Variants in ATRN observed in about 807,000 individuals in gnomAD.
ATRN encodes the protein attractin-2.
In ATRN, 54 loss-of-function variants were observed where a neutral mutation model predicts 178.7. The ratio of observed to expected loss-of-function variants is 0.30; its 90% CI spans 0.24 to 0.38. ATRN has a LOEUF of 0.38. Ranked by LOEUF, ATRN falls within the 10% of genes least tolerant of loss-of-function variation. The pLI is 1.00. For synonymous variants in ATRN, 636 were observed against 663.0 expected (o/e 0.96, Z 0.63); for missense variants, 1,443 against 1,815.1 (o/e 0.79, Z 3.73).
intron 12 of ATRN, among the ~76,000 whole-genome samples, chr20:3,574,386 T>A (rs2086174192): frequency 6.6e-6 from 1 of 152,092 alleles, no homozygotes. Context: ...GGCATGGTGG[T>A]GCACGCCTAT....
In ATRN at chr20:3,562,258, A is replaced by T; in HGVS notation, c.1448-18A>T. ...GAGGAGCCTGCCATGCTTGCCTTTA[A>T]CTGTCTTTCCTTTCCAGATAAGAAC... On this transcript the variant is annotated intron_variant, in intron 8 of 28. Coordinates refer to ENST00000262919, the MANE Select transcript of ATRN (RefSeq NM_139321.3). 6.2e-7 allele frequency: 1 copy of T among 1,600,672 alleles called. No homozygotes were observed. Among genetic ancestry groups the T allele is most frequent in the Admixed American group, 1.7e-5 (1 of 58,832 alleles).
At chr20:3,614,588 T>C (rs1241345025) in intron 24 of ATRN, among the ~76,000 whole-genome samples, 5 of 152,234 alleles carry the variant, frequency 3.3e-5, no homozygotes, top group African/African-American at 1.2e-4. Context: ...GCAAGGGATG[T>C]GTGAAACTTT....
chr20:3,499,926 A>G lies in ATRN; in HGVS notation c.410+28409A>G, dbSNP rs201719319. Among the ~76,000 whole-genome samples, 23 of 151,676 alleles carry G rather than the reference A, an allele frequency of 1.5e-4. 1 individual carries two copies. The East Asian group carries it at 4.2e-3, about 28-fold the overall frequency. On this transcript the variant is annotated intron_variant, in intron 1 of 28. Transcript: ENST00000262919. ...TACAAAATGGGAGAAAATTTTTGCA[A>G]CCTACTCATCTGACAAAGGGCTAAT...
intron 6 of ATRN, among the ~76,000 whole-genome samples, chr20:3,557,980 A>G (rs549049721): frequency 6.6e-6 from 1 of 152,316 alleles, no homozygotes; most frequent in East Asian, 1.9e-4. Context: ...ATTTAAGATA[A>G]AAGGAAAGGC....
Position 3,559,496 on chromosome 20 carries a change from C to T in ATRN, c.1203+13C>T. On this transcript the variant is annotated intron_variant, in intron 7 of 28. Coordinates refer to ENST00000262919, the MANE Select transcript of ATRN (RefSeq NM_139321.3). ...GGCATTATACAAGGTAAAGCATCTCCACTCTGTGCTAAGCAAGAAACTAAG... is the reference window on the plus strand; with the variant it reads ...GGCATTATACAAGGTAAAGCATCTCTACTCTGTGCTAAGCAAGAAACTAAG... 1.3e-6 allele frequency: 2 copies of T among 1,594,834 alleles called. No individual in the cohort carries two copies. Among genetic ancestry groups the T allele is most frequent in the Non-Finnish European group, 1.7e-6 (2 of 1,162,680 alleles).
intron 19 of ATRN, chr20:3,592,597 C>A: frequency 1.6e-6 from 1 of 611,046 alleles, no homozygotes; most frequent in Non-Finnish European, 2.0e-6. Flanking sequence ...AAGTTCTGAG[C>A]AGGAAAAGTA....
intron 1 of ATRN, among the ~76,000 whole-genome samples, chr20:3,520,801 C>T (rs866640760): frequency 5.9e-5 from 9 of 151,968 alleles, no homozygotes; most frequent in African/African-American, 9.7e-5. Flanking sequence ...CTGGCCTGCA[C>T]GCCAACTTTA....
chr20:3,614,474 C>CCAGT (rs1302621399), intron 24 of ATRN, among the ~76,000 whole-genome samples: 2 of 152,102 alleles, frequency 1.3e-5, no homozygotes, highest in Non-Finnish European at 2.9e-5. Context: ...ATGTAAGAGG[C>CCAGT]CAGTGTTCAC....
In ATRN at chr20:3,591,315, A is replaced by G. The variant is rs1481586618; in HGVS notation, c.3322+9A>G. ...TGGAGGGAAATGTCAGCGTAAGTCA[A>G]ATTGGTCAGGTTTACTCATGGCAAA... On this transcript the variant is annotated intron_variant, in intron 19 of 28. Coordinates refer to ENST00000262919, the MANE Select transcript of ATRN (RefSeq NM_139321.3). 1.1e-5 allele frequency: 17 copies of G among 1,612,990 alleles called. No homozygotes were observed. Among genetic ancestry groups the G allele is most frequent in the African/African-American group, 5.3e-5 (4 of 74,906 alleles).
chr20:3,514,904 C>T (rs1395493989), intron 1 of ATRN, among the ~76,000 whole-genome samples: 1 of 152,134 alleles, frequency 6.6e-6, no homozygotes, highest in African/African-American at 2.4e-5. Flanking sequence ...CCGCAGTGAG[C>T]CATGATCCCA....
chr20:3,621,892 G>A (rs534845500), intron 24 of ATRN, among the ~76,000 whole-genome samples: 1 of 152,136 alleles, frequency 6.6e-6, no homozygotes, highest in Non-Finnish European at 1.5e-5. Flanking sequence ...ACTGAGTTCT[G>A]TGAGACAGAT....
chr20:3,587,929 T>C (rs2086380913), intron 18 of ATRN, among the ~76,000 whole-genome samples: 1 of 152,182 alleles, frequency 6.6e-6, no homozygotes, highest in Non-Finnish European at 1.5e-5. Context: ...CACTGCAGCC[T>C]CCGCTTTCCC....
intron 2 of ATRN, among the ~76,000 whole-genome samples, chr20:3,535,982 G>C (rs529302936): frequency 6.6e-6 from 1 of 152,042 alleles, no homozygotes; most frequent in Non-Finnish European, 1.5e-5. Context: ...TTGCAATATT[G>C]TGTTATTTTT....
At chr20:3,604,621 A>G (rs1432754181) in intron 24 of ATRN, among the ~76,000 whole-genome samples, 2 of 152,262 alleles carry the variant, frequency 1.3e-5, no homozygotes, top group Non-Finnish European at 2.9e-5. Context: ...AAACAAACCC[A>G]CATATAACAA....
At chr20:3,587,362 G>A (rs1344264389) in intron 18 of ATRN, among the ~76,000 whole-genome samples, 2 of 152,028 alleles carry the variant, frequency 1.3e-5, no homozygotes, top group Non-Finnish European at 2.9e-5. Context: ...TCATAGATTT[G>A]TGTGTTACAT....
intron 18 of ATRN, among the ~76,000 whole-genome samples, chr20:3,588,234 T>C (rs1271162299): frequency 2.0e-5 from 3 of 152,226 alleles, no homozygotes; most frequent in African/African-American, 7.2e-5. Context: ...TGGCATTGTT[T>C]TATAGTTTTC....
At chr20:3,596,139 T>C (rs2086524805) in intron 20 of ATRN, among the ~76,000 whole-genome samples, 1 of 152,242 alleles carries the variant, frequency 6.6e-6, no homozygotes, top group African/African-American at 2.4e-5. Flanking sequence ...TTTCTCTCAT[T>C]GCTTTGGCAA....
intron 27 of ATRN, among the ~76,000 whole-genome samples, chr20:3,642,664 C>T (rs1221159832): frequency 6.6e-6 from 1 of 152,196 alleles, no homozygotes; most frequent in African/African-American, 2.4e-5. Context: ...CCTTGTGCCA[C>T]AGCAGAGTGG....
chr20:3,605,083 GGCTGTT>G (rs540375777), intron 24 of ATRN, among the ~76,000 whole-genome samples: 84 of 152,282 alleles, frequency 5.5e-4, no homozygotes, highest in Non-Finnish European at 9.7e-4. Flanking sequence ...ACTGGACGGA[GGCTGTT>G]GCTGTTTGCC....
Sources: gnomAD v4.1 joint callset for allele counts (sites outside exome capture counted in the v4.1 genomes callset) on GRCh38, gnomAD v4.1.1 for gene constraint, MANE v1.5 for transcripts, NCBI Gene and HGNC (gene_info 2026-07-23, HGNC 2026-07-21) for gene names.